Variants in MAPK10 observed in about 807,000 individuals in gnomAD.
MAPK10 encodes mitogen-activated protein kinase 10.
Under a neutral mutation model 59.3 loss-of-function variants are expected in MAPK10, and 25 were observed. That is an observed-to-expected ratio of 0.42 (90% CI 0.31 to 0.59). The LOEUF (loss-of-function observed/expected upper bound fraction) is 0.59. MAPK10 is among the 20% of genes least tolerant of loss of function. The pLI, the probability that MAPK10 is intolerant of heterozygous loss-of-function variation, is 0.15. For synonymous variants in MAPK10, 190 were observed against 200.5 expected, an observed-to-expected ratio of 0.95 and a Z score of 0.44; for missense variants, 351 against 568.9, an observed-to-expected ratio of 0.62 and a Z score of 3.90.
chr4:86,162,806 C>A (rs547517278), intron 3 of MAPK10, among the ~76,000 whole-genome samples: 2 of 152,112 alleles, frequency 1.3e-5, no homozygotes, highest in African/African-American at 4.8e-5. Flanking sequence ...TCTGTGTTTT[C>A]CCCAACTAAA....
At chr4:86,158,139 C>G (rs1554046705) in intron 4 of MAPK10, among the ~76,000 whole-genome samples, 1 of 151,970 alleles carries the variant, frequency 6.6e-6, no homozygotes, top group Non-Finnish European at 1.5e-5. Flanking sequence ...TCACCATAAA[C>G]TTAGCCATTT....
intron 4 of MAPK10, among the ~76,000 whole-genome samples, chr4:86,149,313 C>T (rs2065812069): frequency 6.6e-6 from 1 of 152,158 alleles, no homozygotes; most frequent in Non-Finnish European, 1.5e-5. Flanking sequence ...TCCACCCAGG[C>T]TGGAGTGAAG....
rs1450760248 is a variant in MAPK10 at position 86,166,084 on chromosome 4, G to C, written c.67-6617C>G. On this transcript the variant is annotated intron_variant, in intron 3 of 13. Transcript: ENST00000641462. ...CTGCCTTCTTTACATACGAAGGTGG[G>C]GAACTAATACTGCTTGAATACTTAT... is the stretch of plus-strand genomic sequence containing the variant. Among the ~76,000 whole-genome samples the C allele has an allele frequency of 6.6e-5, 10 of 152,272 alleles. No individual in the cohort carries two copies. The East Asian group carries it at 1.9e-3, about 29-fold the overall frequency.
intron 10 of MAPK10, chr4:86,065,037 T>A (rs1355061647): frequency 2.0e-5 from 3 of 152,142 alleles, no homozygotes; most frequent in Non-Finnish European, 4.4e-5. Flanking sequence ...CCCGAGTAAC[T>A]GGAACTACAG....
intron 4 of MAPK10, among the ~76,000 whole-genome samples, chr4:86,141,678 A>T (rs528779208): frequency 6.6e-6 from 1 of 152,230 alleles, no homozygotes; most frequent in Non-Finnish European, 1.5e-5. Context: ...ATACACTTTT[A>T]AAAATACACA....
intron 1 of MAPK10, among the ~76,000 whole-genome samples, chr4:86,482,960 T>C (rs1181388042): frequency 6.6e-6 from 1 of 152,172 alleles, no homozygotes; most frequent in African/African-American, 2.4e-5. Flanking sequence ...GAGCTGATTG[T>C]AGGATTTAGA....
intron 1 of MAPK10, among the ~76,000 whole-genome samples, chr4:86,387,371 A>G (rs1741610854): frequency 6.6e-6 from 1 of 152,216 alleles, no homozygotes; most frequent in South Asian, 2.1e-4. Flanking sequence ...AAAAACAGCC[A>G]ACTATAAAAC....
chr4:86,554,826 C>T (rs781005869), intron 1 of MAPK10, among the ~76,000 whole-genome samples: 12 of 152,204 alleles, frequency 7.9e-5, no homozygotes, highest in Non-Finnish European at 1.6e-4. Flanking sequence ...TGTATGGGCA[C>T]AATGCCCTTC....
At chr4:86,073,249 T>C (rs2048426310) in intron 9 of MAPK10, among the ~76,000 whole-genome samples, 1 of 144,998 alleles carries the variant, frequency 6.9e-6, no homozygotes, top group South Asian at 2.2e-4. Context: ...ATCCCCTTTA[T>C]CATTTTTTAT....
At chr4:86,030,014 T>A (rs568936577) in intron 12 of MAPK10, among the ~76,000 whole-genome samples, 1 of 152,284 alleles carries the variant, frequency 6.6e-6, no homozygotes, top group Non-Finnish European at 1.5e-5. Context: ...CATTCTTGCT[T>A]TGCAATGGCT....
At chr4:86,345,195 C>T (rs1344203207) in intron 2 of MAPK10, among the ~76,000 whole-genome samples, 2 of 152,158 alleles carry the variant, frequency 1.3e-5, no homozygotes, top group Admixed American at 6.5e-5. Context: ...CTCTTCCCCT[C>T]GTAGCTGCTT....
chr4:86,461,002 T>TACC (rs1564904621), intron 1 of MAPK10, among the ~76,000 whole-genome samples: 15 of 152,170 alleles, frequency 9.9e-5, no homozygotes, highest in African/African-American at 3.6e-4. Context: ...ACCACTGGGT[T>TACC]AGGGTCTCCA....
intron 2 of MAPK10, among the ~76,000 whole-genome samples, chr4:86,259,494 A>G (rs1008510840): frequency 6.6e-5 from 10 of 152,136 alleles, no homozygotes; most frequent in Non-Finnish European, 1.2e-4. Flanking sequence ...AGCTCTGTAT[A>G]GAGGTAAAAA....
intron 8 of MAPK10, chr4:86,099,410 C>T (rs544812702): frequency 6.6e-6 from 1 of 152,332 alleles, no homozygotes; most frequent in East Asian, 1.9e-4. Context: ...TTACCCCTTT[C>T]CAACTTGCTT....
At chr4:86,248,432 A>T (rs2093236481) in intron 2 of MAPK10, among the ~76,000 whole-genome samples, 1 of 152,216 alleles carries the variant, frequency 6.6e-6, no homozygotes. Flanking sequence ...TCAATTCATC[A>T]TTCAACATTT....
At chr4:86,173,768 T>C (rs2074986617) in intron 3 of MAPK10, among the ~76,000 whole-genome samples, 1 of 152,074 alleles carries the variant, frequency 6.6e-6, no homozygotes, top group Non-Finnish European at 1.5e-5. Context: ...TACAAGGAAC[T>C]TAAACAAATT....
At chr4:86,116,343 AG>A (rs1373808726) in intron 4 of MAPK10, among the ~76,000 whole-genome samples, 2 of 152,246 alleles carry the variant, frequency 1.3e-5, no homozygotes, top group Non-Finnish European at 2.9e-5. Context: ...GATCCTCTAC[AG>A]CCAACATTAT....
Position 86,010,415 on chromosome 4 carries a change from C to G in MAPK10, c.*6813G>C, listed in dbSNP as rs887290835. 1 of 151,968 alleles carries G rather than the reference C, an allele frequency of 6.6e-6. No individual in the cohort carries two copies. The highest frequency in any genetic ancestry group is 1.5e-5 in the Non-Finnish European group (1 of 67,966). 9.4% of individuals were successfully genotyped at this position (151,968 alleles called of 1,614,324 possible). A position where few individuals can be genotyped will look rare whatever the true frequency, so the allele number is the denominator to read the frequency against. ...AAATATTTGCTTTAGTTTTTTTAAA[C>G]AAAGATTTATTAACTCTGAATTTTT... On this transcript the variant is annotated 3_prime_UTR_variant, in exon 14 of 14. Transcript: ENST00000641462.
intron 1 of MAPK10, among the ~76,000 whole-genome samples, chr4:86,391,415 C>T (rs752704709): frequency 7.2e-5 from 11 of 152,164 alleles, no homozygotes; most frequent in Admixed American, 3.3e-4. Context: ...TCATATCATG[C>T]ATGTATCTAC....
Sources: allele counts gnomAD v4.1 joint callset (sites outside exome capture counted in the v4.1 genomes callset), GRCh38; gene constraint gnomAD v4.1.1; transcripts MANE v1.5; gene names NCBI Gene and HGNC (gene_info 2026-07-23, HGNC 2026-07-21).